The following BCL7C variants were observed in gnomAD, a reference collection of about 807,000 sequenced individuals.
BCL7C encodes the protein BAF chromatin remodeling complex subunit BCL7C.
In BCL7C, 8 loss-of-function variants were observed where a neutral mutation model predicts 26.2. That is an observed-to-expected ratio of 0.30 (90% CI 0.18 to 0.55). The LOEUF is 0.55. Ranked by LOEUF, BCL7C falls within the 20% of genes least tolerant of loss-of-function variation. BCL7C has a pLI of 0.93. For missense variants in BCL7C, 262 were observed against 298.5 expected, an observed-to-expected ratio of 0.88 and a Z score of 0.90; for synonymous variants, 90 against 116.5, an observed-to-expected ratio of 0.77 and a Z score of 1.47.
rs1567308152 is a variant in BCL7C at position 30,844,383 on chromosome 16, A to AC, written c.529-9236dup. Among the ~76,000 whole-genome samples the AC allele has an allele frequency of 2.0e-5, 3 of 151,412 alleles. 1 individual carries two copies. Among genetic ancestry groups the AC allele is most frequent in the African/African-American group, 7.3e-5 (3 of 41,248 alleles). ...AAAAAAAAAAAAAAAAAGGGAAAAA[A>AC]CAAACAAACTAGCAGCCTTACAAAT... On this transcript the variant is annotated intron_variant, in intron 5 of 5. Transcript: ENST00000380317.
intron 5 of BCL7C, 94 bp downstream of exon 5, chr16:30,888,766 T>C: frequency 8.3e-7 from 1 of 1,207,054 alleles, no homozygotes; most frequent in Non-Finnish European, 1.2e-6. Flanking sequence ...CTGCCTCTCC[T>C]CCAGGCCCTC....
At chr16:30,846,202 T>C (rs1335837533) in intron 5 of BCL7C, among the ~76,000 whole-genome samples, 1 of 143,100 alleles carries the variant, frequency 7.0e-6, no homozygotes. Context: ...ATTTTAAAAT[T>C]TATTTATTTA....
Position 30,854,703 on chromosome 16 carries a change from C to CTATCTT in BCL7C, c.529-19556_529-19555insAAGATA, listed in dbSNP as rs1567311076. On this transcript the variant is annotated intron_variant, in intron 5 of 5. Coordinates refer to the BCL7C transcript ENST00000380317. ...TCAGCACTCACAGACTCACCACTCA[C>CTATCTT]TTTCTTTTTTTTTTTTTTTCTGAGA... is the stretch of plus-strand genomic sequence containing the variant. Among the ~76,000 whole-genome samples the CTATCTT allele has an allele frequency of 8.5e-5, 6 of 70,460 alleles. 1 individual carries two copies. Among genetic ancestry groups the CTATCTT allele is most frequent in the Non-Finnish European group, 1.2e-4 (4 of 32,092 alleles). 46.2% of individuals were successfully genotyped at this position (70,460 alleles called of 152,430 possible). A position where few individuals can be genotyped will look rare whatever the true frequency, so the allele number is the denominator to read the frequency against.
intron 3 of BCL7C, 22 bp downstream of exon 3, chr16:30,892,818 G>T (rs773425452): frequency 6.2e-7 from 1 of 1,613,520 alleles, no homozygotes; most frequent in Non-Finnish European, 8.5e-7. Context: ...ACAGCCCCCC[G>T]CGTTTCAGGA....
intron 5 of BCL7C, among the ~76,000 whole-genome samples, chr16:30,873,974 C>CACACACACACAG (rs1319629522): frequency 6.8e-6 from 1 of 148,090 alleles, no homozygotes; most frequent in African/African-American, 2.5e-5. Flanking sequence ...CACACACACA[C>CACACACACACAG]AGAGGAAGGT....
In BCL7C at chr16:30,877,289, G is replaced by T. The variant is rs190348032; in HGVS notation, c.528+11571C>A. The stretch of plus-strand genomic sequence containing the variant: ...GTCCAGATTTCTTTTTTTATTTTTG[G>T]TAGAGACAGGATCTTGCTCTGTCGC... On this transcript the variant is annotated intron_variant, in intron 5 of 5. Coordinates refer to the BCL7C transcript ENST00000380317. 9.2e-5 allele frequency among the ~76,000 whole-genome samples: 14 copies of T among 152,044 alleles called. No individual in the cohort carries two copies. In the East Asian group the frequency reaches 2.7e-3, roughly 29 times the overall value.
intron 5 of BCL7C, among the ~76,000 whole-genome samples, chr16:30,867,846 G>A (rs1055916975): frequency 1.5e-4 from 23 of 151,918 alleles, no homozygotes; most frequent in African/African-American, 5.3e-4. Flanking sequence ...TTGATCAGAG[G>A]GAGATGTGAT....
rs138136644 is a variant in BCL7C at position 30,862,883 on chromosome 16, C to G, written c.528+25977G>C. 1.5e-3 allele frequency among the ~76,000 whole-genome samples: 222 copies of G among 152,282 alleles called. 1 individual carries two copies. The highest frequency in any genetic ancestry group is 2.3e-3 in the Non-Finnish European group (156 of 68,034). ...TCCTTTCCCCACTCCTCTTTCCATTCCTTAAAAACAGCCCTAAAAGCTGCT... is the reference window on the plus strand; with the variant it reads ...TCCTTTCCCCACTCCTCTTTCCATTGCTTAAAAACAGCCCTAAAAGCTGCT... On this transcript the variant is annotated intron_variant, in intron 5 of 5. Transcript: ENST00000380317.
intron 5 of BCL7C, among the ~76,000 whole-genome samples, chr16:30,849,883 G>T (rs1326159780): frequency 6.6e-6 from 1 of 151,720 alleles, no homozygotes; most frequent in Non-Finnish European, 1.5e-5. Flanking sequence ...GTAGAGATGG[G>T]TTTTGCCATG....
At chr16:30,861,179 T>C (rs2054768986) in intron 5 of BCL7C, among the ~76,000 whole-genome samples, 2 of 152,058 alleles carry the variant, frequency 1.3e-5, no homozygotes, top group South Asian at 4.1e-4. Context: ...CGCCCTTTAC[T>C]CGACATTAGA....
intron 5 of BCL7C, among the ~76,000 whole-genome samples, chr16:30,835,515 T>C (rs1419803000): frequency 6.6e-6 from 1 of 152,192 alleles, no homozygotes; most frequent in Non-Finnish European, 1.5e-5. Flanking sequence ...ATCAGGGATA[T>C]GTTCAATTGG....
At chr16:30,845,912 C>T (rs2054631625) in intron 5 of BCL7C, among the ~76,000 whole-genome samples, 1 of 151,686 alleles carries the variant, frequency 6.6e-6, no homozygotes, top group Non-Finnish European at 1.5e-5. Context: ...CGAGACCAGC[C>T]TGGCCAACGT....
At chr16:30,876,603 AAG>A (rs1352130354) in intron 5 of BCL7C, among the ~76,000 whole-genome samples, 1 of 152,132 alleles carries the variant, frequency 6.6e-6, no homozygotes, top group Non-Finnish European at 1.5e-5. Context: ...GGAGGTGAGA[AAG>A]AGGAAGTATA....
intron 5 of BCL7C, among the ~76,000 whole-genome samples, chr16:30,877,092 G>GT (rs1422644014): frequency 6.6e-6 from 1 of 152,130 alleles, no homozygotes; most frequent in Non-Finnish European, 1.5e-5. Flanking sequence ...AAGGAGGAGA[G>GT]TGGAACACCA....
chr16:30,868,762 G>A (rs1265267809), intron 5 of BCL7C, among the ~76,000 whole-genome samples: 1 of 151,322 alleles, frequency 6.6e-6, no homozygotes, highest in Non-Finnish European at 1.5e-5. Flanking sequence ...TCCAGCCTGG[G>A]CAACAAGAGC....
chr16:30,853,030 T>A (rs1163934664), intron 5 of BCL7C, among the ~76,000 whole-genome samples: 1 of 151,836 alleles, frequency 6.6e-6, no homozygotes, highest in Non-Finnish European at 1.5e-5. Context: ...CCGCCTCCTG[T>A]GTTCAAGCGA....
intron 5 of BCL7C, among the ~76,000 whole-genome samples, chr16:30,880,802 G>C (rs1236758301): frequency 6.6e-6 from 1 of 151,956 alleles, no homozygotes; most frequent in African/African-American, 2.4e-5. Context: ...GGACTCAAGT[G>C]ATCCTCTCAC....
chr16:30,891,981 C>T (rs947959806), intron 4 of BCL7C, among the ~76,000 whole-genome samples: 1 of 147,388 alleles, frequency 6.8e-6, no homozygotes, highest in Non-Finnish European at 1.5e-5. Flanking sequence ...GGGGGGAGGG[C>T]CGGGTGTGGG....
chr16:30,877,414 T>G (rs2054965812), intron 5 of BCL7C, among the ~76,000 whole-genome samples: 1 of 150,602 alleles, frequency 6.6e-6, no homozygotes, highest in Non-Finnish European at 1.5e-5. Flanking sequence ...GGTTACAGTG[T>G]GAGGCACGTC....
Sources: gnomAD v4.1 joint callset for allele counts (sites outside exome capture counted in the v4.1 genomes callset) on GRCh38, gnomAD v4.1.1 for gene constraint, MANE v1.5 for transcripts, NCBI Gene and HGNC (gene_info 2026-07-23, HGNC 2026-07-21) for gene names.